Variants in HIGD1C observed in about 807,000 individuals in gnomAD.
The protein encoded by HIGD1C is HIG1 domain family member 1C.
A neutral mutation model predicts 13.1 loss-of-function variants in HIGD1C; 11 were observed. The ratio of observed to expected loss-of-function variants is 0.84; its 90% confidence interval spans 0.53 to 1.39. HIGD1C has a LOEUF of 1.39. Among genes scored for constraint, HIGD1C ranks in the 40% most tolerant of loss-of-function variants. The probability of loss-of-function intolerance (pLI) is 0.00; values close to 1 mark genes in which losing one functional copy is unlikely to be tolerated. For synonymous variants in HIGD1C, 36 were observed against 37.7 expected (o/e 0.95, Z 0.17); for missense variants, 110 against 112.0 (o/e 0.98, Z 0.08).
At chr12:50,941,917 C>T in the HIGD1C span, among the ~76,000 whole-genome samples, 1 of 152,160 alleles carries the variant, frequency 6.6e-6, no homozygotes, top group African/African-American at 2.4e-5. Context: ...GAGACATAGT[C>T]TCACTCTGTC....
chr12:50,937,782 C>A, the HIGD1C span, among the ~76,000 whole-genome samples: 2 of 152,078 alleles, frequency 1.3e-5, no homozygotes, highest in African/African-American at 4.8e-5. Context: ...AGCATGCAGC[C>A]CTCAGCAGAG....
intron 2 of HIGD1C, among the ~76,000 whole-genome samples, chr12:50,964,734 G>A (rs73092537): frequency 6.6e-6 from 1 of 152,142 alleles, no homozygotes; most frequent in Non-Finnish European, 1.5e-5. Flanking sequence ...AAAAGCAAAT[G>A]TTATGTTGAT....
the HIGD1C span, among the ~76,000 whole-genome samples, chr12:50,937,340 C>A: frequency 6.6e-6 from 1 of 152,206 alleles, no homozygotes; most frequent in African/African-American, 2.4e-5. Context: ...TATGCCAAGA[C>A]CTGCCTCCAG....
chr12:50,944,465 A>G, the HIGD1C span, among the ~76,000 whole-genome samples: 1 of 152,182 alleles, frequency 6.6e-6, no homozygotes, highest in African/African-American at 2.4e-5. Flanking sequence ...AGATCAGCCT[A>G]GGCAACATGT....
At chr12:50,952,600 T>C (rs1364138408), upstream of HIGD1C, among the ~76,000 whole-genome samples, 1 of 152,018 alleles carries the variant, frequency 6.6e-6, no homozygotes, top group Non-Finnish European at 1.5e-5. Flanking sequence ...CCCACTCAGG[T>C]CTCACACACA....
the HIGD1C span, among the ~76,000 whole-genome samples, chr12:50,937,630 G>A: frequency 2.1e-4 from 32 of 152,252 alleles, no homozygotes; most frequent in Non-Finnish European, 3.8e-4. Context: ...TGGGTCCCAA[G>A]TTCTTGTTCC....
At chr12:50,931,333 GAATT>G in the HIGD1C span, 2 of 151,930 alleles carry the variant, frequency 1.3e-5, no homozygotes, top group Non-Finnish European at 2.9e-5. Flanking sequence ...TTTATTGATT[GAATT>G]AAGAAATACT....
chr12:50,940,590 G>A, the HIGD1C span, among the ~76,000 whole-genome samples: 1 of 151,804 alleles, frequency 6.6e-6, no homozygotes, highest in Non-Finnish European at 1.5e-5. Flanking sequence ...CGGGTCTAGT[G>A]GCACATGTCC....
At chr12:50,935,202 G>C in the HIGD1C span, 1 of 152,098 alleles carries the variant, frequency 6.6e-6, no homozygotes, top group African/African-American at 2.4e-5. Context: ...AAAGCAAAAA[G>C]GCAAACTGTT....
chr12:50,955,024 G>T (rs2139785711), intron 1 of HIGD1C, among the ~76,000 whole-genome samples: 1 of 152,238 alleles, frequency 6.6e-6, no homozygotes, highest in East Asian at 1.9e-4. Flanking sequence ...GGGCACAGTG[G>T]CTCACTCCTG....
At chr12:50,960,839 T>G in intron 1 of HIGD1C, 129 bp from the exon 4 acceptor site, 1 of 728,018 alleles carries the variant, frequency 1.4e-6, no homozygotes. Context: ...TGTATCACCA[T>G]GTGTGGCTAA....
chr12:50,954,093 G>A lies in HIGD1C; in HGVS notation c.94+1G>A, dbSNP rs1195376244. 6.3e-7 allele frequency: 1 copy of A among 1,580,926 alleles called. No individual in the cohort carries two copies. Among genetic ancestry groups the A allele is most frequent in the Non-Finnish European group, 8.7e-7 (1 of 1,150,166 alleles). On this transcript the variant is annotated splice_donor_variant, in intron 1 of 2. Transcript: ENST00000398455. LOFTEE classifies it high-confidence loss of function. ...AGAGACTCCCCCTTTGTCCCTATAGGTAAGTACAAGCCTTGACTGGATGCA... is the reference window on the plus strand; with the variant it reads ...AGAGACTCCCCCTTTGTCCCTATAGATAAGTACAAGCCTTGACTGGATGCA...
chr12:50,945,909 C>A, the HIGD1C span, among the ~76,000 whole-genome samples: 5 of 151,770 alleles, frequency 3.3e-5, no homozygotes, highest in East Asian at 3.9e-4. Context: ...CAGAACAGAG[C>A]CCTCAGAAAT....
At chr12:50,961,248 T>C (rs1565959213) in intron 2 of HIGD1C, 146 bp downstream of exon 4, 1 of 872,664 alleles carries the variant, frequency 1.1e-6, no homozygotes, top group Non-Finnish European at 1.7e-6. Flanking sequence ...TTAGTTGAGG[T>C]TGTGGCCCAG....
At chr12:50,948,293 T>C in the HIGD1C span, among the ~76,000 whole-genome samples, 52 of 152,260 alleles carry the variant, frequency 3.4e-4, 1 homozygote, top group South Asian at 1.0e-3. Flanking sequence ...ATTATACACA[T>C]GAAAATATGT....
intron 1 of HIGD1C, among the ~76,000 whole-genome samples, chr12:50,958,755 G>T (rs1400297632): frequency 6.6e-6 from 1 of 150,684 alleles, no homozygotes; most frequent in African/African-American, 2.4e-5. Context: ...AGTGGCTTAC[G>T]CCTGTAATCC....
chr12:50,944,107 G>A, the HIGD1C span, among the ~76,000 whole-genome samples: 1 of 151,752 alleles, frequency 6.6e-6, no homozygotes, highest in African/African-American at 2.4e-5. Flanking sequence ...TCACTTCATA[G>A]AACAAAAAAA....
chr12:50,953,306 A>G (rs1195390653), upstream of HIGD1C, among the ~76,000 whole-genome samples: 1 of 152,250 alleles, frequency 6.6e-6, no homozygotes, highest in African/African-American at 2.4e-5. Flanking sequence ...TCTCATTCAT[A>G]GGATGAAGCC....
chr12:50,937,075 G>A, the HIGD1C span, among the ~76,000 whole-genome samples: 3 of 152,120 alleles, frequency 2.0e-5, no homozygotes, highest in East Asian at 1.9e-4. Flanking sequence ...TACATAGCAC[G>A]TGCTCAAAAA....
Sources: gnomAD v4.1 joint callset for allele counts (sites outside exome capture counted in the v4.1 genomes callset) on GRCh38, gnomAD v4.1.1 for gene constraint, MANE v1.5 for transcripts, NCBI Gene and HGNC (gene_info 2026-07-23, HGNC 2026-07-21) for gene names.